The following GAD2 variants were observed in gnomAD, a reference collection of about 807,000 sequenced individuals.
GAD2 encodes 65 kDa glutamic acid decarboxylase.
A neutral mutation model predicts 80.1 loss-of-function variants in GAD2; 22 were observed. That is an observed-to-expected ratio of 0.27 (90% CI 0.20 to 0.39). The LOEUF (loss-of-function observed/expected upper bound fraction) is 0.39, where lower values mean the gene tolerates loss of function less well. Among genes scored for constraint, GAD2 ranks in the 10% least tolerant of loss-of-function variants. The pLI, the probability that GAD2 is intolerant of heterozygous loss-of-function variation, is 1.00. For synonymous variants in GAD2, 274 were observed against 256.9 expected (o/e 1.07, Z -0.64); for missense variants, 624 against 738.4 (o/e 0.85, Z 1.80).
chr10:26,272,830 C>T (rs1292485632), intron 10 of GAD2, among the ~76,000 whole-genome samples: 1 of 152,134 alleles, frequency 6.6e-6, no homozygotes, highest in Non-Finnish European at 1.5e-5. Flanking sequence ...CACCATTGCA[C>T]TCCAGCCTGG....
chr10:26,251,654 T>G (rs1395402021), intron 8 of GAD2, among the ~76,000 whole-genome samples: 1 of 152,254 alleles, frequency 6.6e-6, no homozygotes, highest in Non-Finnish European at 1.5e-5. Context: ...ACAATTTCTT[T>G]CTATTCTTAC....
Position 26,300,833 on chromosome 10 carries a change from A to G in GAD2, c.1630A>G (p.Met544Val). The change falls in exon 16 of 16, where the codon ATG (methionine) becomes GTG (valine). Residue 544 changes from methionine (M) to valine (V), a missense_variant. Physicochemically the swap from Met to Val is conservative, Grantham distance 21 (BLOSUM62 1). Coordinates refer to ENST00000376261, the MANE Select transcript of GAD2 (RefSeq NM_001134366.2). The part of the protein sequence containing the change: ...KARMMEYGTT[M>V]VSYQPLGDKV... ...CAGAATGATGGAGTATGGAACCACA[A>G]TGGTCAGCTACCAACCCTTGGGAGA... The G allele has an allele frequency of 3.1e-6, 5 of 1,613,890 alleles. No homozygotes were observed. The highest frequency in any genetic ancestry group is 1.1e-5 in the South Asian group (1 of 91,058).
At chr10:26,255,993 C>T (rs1589145722) in intron 8 of GAD2, among the ~76,000 whole-genome samples, 1 of 152,182 alleles carries the variant, frequency 6.6e-6, no homozygotes, top group East Asian at 1.9e-4. Context: ...ATCAGACACC[C>T]TTAGAGTTGG....
chr10:26,300,651 A>G, intron 15 of GAD2, 137 bp from the exon 16 acceptor site: 1 of 721,282 alleles, frequency 1.4e-6, no homozygotes, highest in East Asian at 2.5e-5. Flanking sequence ...GAAAACTTGG[A>G]GGTAACTCTT....
chr10:26,251,405 C>T (rs910126535), intron 8 of GAD2, among the ~76,000 whole-genome samples: 2 of 152,180 alleles, frequency 1.3e-5, no homozygotes, highest in African/African-American at 4.8e-5. Flanking sequence ...GCAAATGCCT[C>T]TCTGTGCCTC....
Position 26,242,321 on chromosome 10 carries a change from C to A in GAD2, c.841-3600C>A, listed in dbSNP as rs572531199. Among the ~76,000 whole-genome samples, 4 of 152,294 alleles carry A rather than the reference C, an allele frequency of 2.6e-5. No individual in the cohort carries two copies. In the South Asian group the frequency reaches 8.3e-4, roughly 32 times the overall value. On this transcript the variant is annotated intron_variant, in intron 7 of 15. Coordinates refer to ENST00000376261, the MANE Select transcript of GAD2 (RefSeq NM_001134366.2). ...TTTTTATATTTGTTTCCAGAGAACCCTCTAGGTTCTCTCTAAACACCTGCT... is the reference window on the plus strand; with the variant it reads ...TTTTTATATTTGTTTCCAGAGAACCATCTAGGTTCTCTCTAAACACCTGCT...
In GAD2 at chr10:26,216,950, C is replaced by G; in HGVS notation, c.76+65C>G. On this transcript the variant is annotated intron_variant, in intron 1 of 15. Transcript: ENST00000376261. This position sits in a 1 kb window ranked among gnomAD's most constrained non-coding sequence, Gnocchi z 4.7. ...CGGTGGTCTGGGGTTTGCGGAACTA[C>G]GGAGAAGACGAAGGAGGTTTTTCCA... The G allele has an allele frequency of 7.2e-7, 1 of 1,392,684 alleles. No individual in the cohort carries two copies. The highest frequency in any genetic ancestry group is 1.2e-5 in the South Asian group (1 of 82,296). 86.3% of individuals were successfully genotyped at this position (1,392,684 alleles called of 1,614,324 possible).
At chr10:26,247,419 A>G (rs1424822898) in intron 8 of GAD2, among the ~76,000 whole-genome samples, 2 of 152,072 alleles carry the variant, frequency 1.3e-5, no homozygotes, top group Non-Finnish European at 2.9e-5. Context: ...ATGCAGTCCA[A>G]TAGGTCTCAG....
chr10:26,222,949 T>A (rs994198680), intron 4 of GAD2, among the ~76,000 whole-genome samples: 2 of 152,256 alleles, frequency 1.3e-5, no homozygotes, highest in Non-Finnish European at 2.9e-5. Context: ...AAATTTTTGC[T>A]GCTGTGCAAA....
Position 26,217,469 on chromosome 10 carries a change from C to T in GAD2, c.77-141C>T. The T allele has an allele frequency of 1.2e-6, 1 of 830,506 alleles. No homozygotes were observed. Among genetic ancestry groups the T allele is most frequent in the Non-Finnish European group, 2.0e-6 (1 of 504,706 alleles). 51.4% of individuals were successfully genotyped at this position (830,506 alleles called of 1,614,324 possible). On this transcript the variant is annotated intron_variant, in intron 1 of 15. Coordinates refer to ENST00000376261, the MANE Select transcript of GAD2 (RefSeq NM_001134366.2). The surrounding 1 kb of genome is among the most constrained non-coding windows in gnomAD (Gnocchi z 4.9). ...TGCCTTCTGCACCTGCCGGCCTCAC[C>T]GAGTCCTGAGCGGCCCCCAGGAGGA...
At chr10:26,234,854 A>G (rs1042428674) in intron 7 of GAD2, among the ~76,000 whole-genome samples, 12 of 151,830 alleles carry the variant, frequency 7.9e-5, no homozygotes, top group Non-Finnish European at 1.5e-4. Context: ...CCTTTCTTAA[A>G]TCCCATTTTC....
intron 11 of GAD2, among the ~76,000 whole-genome samples, chr10:26,278,040 A>G (rs532545978): frequency 6.6e-6 from 1 of 152,078 alleles, no homozygotes; most frequent in Non-Finnish European, 1.5e-5. Context: ...AGTCCATGTC[A>G]TCGAATCAAT....
intron 7 of GAD2, among the ~76,000 whole-genome samples, chr10:26,230,252 A>G (rs772814976): frequency 2.1e-4 from 32 of 151,944 alleles, no homozygotes; most frequent in Non-Finnish European, 4.4e-4. Context: ...AGGGAAGGGG[A>G]AGAGGAGGGA....
chr10:26,228,782 A>G lies in GAD2; in HGVS notation c.725-880A>G, dbSNP rs8190627. ...ATGTGAGGTGGAACAGTTTCATCCC[A>G]AAAGCATTCTCCACCCCACCCCCAC... On this transcript the variant is annotated intron_variant, in intron 6 of 15. Transcript: ENST00000376261. 3.3e-3 allele frequency among the ~76,000 whole-genome samples: 510 copies of G among 152,286 alleles called. 7 individuals are homozygous for G. Among genetic ancestry groups the G allele is most frequent in the African/African-American group, 0.012 (484 of 41,554 alleles).
At chr10:26,264,841 C>A (rs1390647798) in intron 8 of GAD2, among the ~76,000 whole-genome samples, 1 of 152,174 alleles carries the variant, frequency 6.6e-6, no homozygotes, top group African/African-American at 2.4e-5. Flanking sequence ...TTTGCACTCA[C>A]GTTTTTAGGA....
At chr10:26,246,605 T>G (rs561359615) in intron 8 of GAD2, among the ~76,000 whole-genome samples, 2 of 152,246 alleles carry the variant, frequency 1.3e-5, no homozygotes, top group African/African-American at 2.4e-5. Context: ...CTCTAAAGTT[T>G]CATTAAGAAT....
At chr10:26,245,784 T>A (rs1844801545) in intron 7 of GAD2, 137 bp from the exon 8 acceptor site, 2 of 680,222 alleles carry the variant, frequency 2.9e-6, no homozygotes, top group Non-Finnish European at 4.9e-6. Context: ...AAGGATGCCA[T>A]CTTCTCTCAG....
At chr10:26,246,584 T>C (rs1003401497) in intron 8 of GAD2, among the ~76,000 whole-genome samples, 1 of 152,206 alleles carries the variant, frequency 6.6e-6, no homozygotes, top group Non-Finnish European at 1.5e-5. Flanking sequence ...CTACTAAAAA[T>C]TAGATTCAGT....
rs1434638784 is a variant in GAD2 at position 26,223,921 on chromosome 10, T to C, written c.555T>C (p.Gly185=). The change falls in exon 5 of 16, where the codon GGT becomes GGC. Residue 185 remains glycine, a synonymous_variant. Coordinates refer to ENST00000376261, the MANE Select transcript of GAD2 (RefSeq NM_001134366.2). ...GATACTTCAATCAACTTTCTACTGGTTTGGATATGGTTGGATTAGCAGCAG... is the reference window on the plus strand; with the variant it reads ...GATACTTCAATCAACTTTCTACTGGCTTGGATATGGTTGGATTAGCAGCAG... ...HPRYFNQLST[G]LDMVGLAADW... is the part of the protein sequence containing the mutation. The C allele has an allele frequency of 6.2e-7, 1 of 1,609,612 alleles. No individual in the cohort carries two copies. Among genetic ancestry groups the C allele is most frequent in the Non-Finnish European group, 8.5e-7 (1 of 1,178,460 alleles).
Sources: gnomAD v4.1 joint callset for allele counts (sites outside exome capture counted in the v4.1 genomes callset) on GRCh38, gnomAD v4.1.1 for gene constraint, Gnocchi (gnomAD v3.1) non-coding constraint, MANE v1.5 for transcripts, NCBI Gene and HGNC (gene_info 2026-07-23, HGNC 2026-07-21) for gene names.